The following EPHA6 variants were observed in gnomAD, a reference collection of about 807,000 sequenced individuals.
EPHA6 encodes ephrin type-A receptor 6.
EPHA6 carries 50 observed loss-of-function variants against 112.0 expected under a neutral mutation model. The observed-to-expected ratio is 0.45, with a 90% CI of 0.36 to 0.56. The LOEUF is 0.56. Ranked by LOEUF, EPHA6 falls within the 20% of genes least tolerant of loss-of-function variation. The pLI is 0.00. For missense variants in EPHA6, 1,280 were observed against 1,417.4 expected (o/e 0.90, Z 1.56); for synonymous variants, 529 against 490.7 (o/e 1.08, Z -1.03).
chr3:97,010,709 G>A (rs912505205), intron 3 of EPHA6, among the ~76,000 whole-genome samples: 4 of 151,990 alleles, frequency 2.6e-5, no homozygotes, highest in African/African-American at 9.7e-5. Context: ...TGCCCAGGCT[G>A]GAGTGCGGTA....
intron 5 of EPHA6, among the ~76,000 whole-genome samples, chr3:97,328,078 T>TATATATATATATATATAA (rs1309698190): frequency 3.6e-5 from 5 of 138,394 alleles, no homozygotes; most frequent in African/African-American, 1.2e-4. Flanking sequence ...TATATATATA[T>TATATATATATATATATAA]AACCTGTTTT....
chr3:96,860,959 C>G (rs917594524), intron 1 of EPHA6, among the ~76,000 whole-genome samples: 2 of 151,812 alleles, frequency 1.3e-5, no homozygotes, highest in Non-Finnish European at 2.9e-5. Context: ...GAAAGCACAA[C>G]TTTTGAGGTA....
At position 97,448,565 on chromosome 3, in the gene EPHA6, C is replaced by T. The variant is rs918877862; in HGVS notation, c.1732-3C>T. 2 of 1,612,380 alleles carry T rather than the reference C, an allele frequency of 1.2e-6. No homozygotes were observed. Among genetic ancestry groups the T allele is most frequent in the East Asian group, 2.2e-5 (1 of 44,836 alleles). The stretch of plus-strand genomic sequence containing the variant: ...TCCTTTCTCCTTTTTTTCTGTCCCC[C>T]AGGAACATGAGCAGCTGACCTACTC... On this transcript the variant is annotated splice_polypyrimidine_tract_variant and splice_region_variant and intron_variant, in intron 6 of 17. Transcript: ENST00000389672.
intron 2 of EPHA6, 68 bp from the exon 3 acceptor site, chr3:96,987,262 G>A (rs2107844202): frequency 1.5e-6 from 2 of 1,376,910 alleles, no homozygotes; most frequent in African/African-American, 2.9e-5. Context: ...AAAAAAAATT[G>A]TAAGTAATCA....
intron 5 of EPHA6, among the ~76,000 whole-genome samples, chr3:97,282,389 G>T (rs140976016): frequency 0.043 from 6,584 of 152,192 alleles, 245 homozygotes; most frequent in Non-Finnish European, 0.064. Flanking sequence ...CTGTTGGTGG[G>T]AATGTAAATT....
At position 97,576,169 on chromosome 3, in the gene EPHA6, T is replaced by G. The variant is rs561792036; in HGVS notation, c.2387-16443T>G. Among the ~76,000 whole-genome samples the G allele has an allele frequency of 8.9e-4, 135 of 152,250 alleles. 1 individual carries two copies. Among genetic ancestry groups the G allele is most frequent in the African/African-American group, 2.6e-3 (109 of 41,556 alleles). The stretch of plus-strand genomic sequence containing the variant: ...ATCTCAAAATTTTTCTGTGAAATAT[T>G]TTTTTCCAAGAAAAATTACCTCTTC... On this transcript the variant is annotated intron_variant, in intron 11 of 17. Coordinates refer to ENST00000389672, the MANE Select transcript of EPHA6 (RefSeq NM_001080448.3).
chr3:96,927,260 C>G (rs1230395098), intron 2 of EPHA6, among the ~76,000 whole-genome samples: 1 of 152,172 alleles, frequency 6.6e-6, no homozygotes, highest in Non-Finnish European at 1.5e-5. Context: ...CAGCTGAGCC[C>G]TGGGCCTGGC....
chr3:97,373,647 A>T (rs1302939549), intron 5 of EPHA6, among the ~76,000 whole-genome samples: 1 of 152,182 alleles, frequency 6.6e-6, no homozygotes, highest in African/African-American at 2.4e-5. Context: ...AGTAATAAGA[A>T]ATACTGCTTT....
chr3:97,343,310 A>G (rs1409263361), intron 5 of EPHA6, among the ~76,000 whole-genome samples: 1 of 152,188 alleles, frequency 6.6e-6, no homozygotes, highest in Non-Finnish European at 1.5e-5. Flanking sequence ...AGTGTTCTGT[A>G]GTAGGTACAA....
At chr3:97,544,572 G>A (rs542516578) in intron 11 of EPHA6, among the ~76,000 whole-genome samples, 90 of 152,252 alleles carry the variant, frequency 5.9e-4, no homozygotes, top group Non-Finnish European at 3.7e-4. Flanking sequence ...TTGTGTCTCT[G>A]CCAGGCTTTG....
chr3:97,320,555 C>T lies in EPHA6; in HGVS notation c.1606+76268C>T, dbSNP rs557045728. On this transcript the variant is annotated intron_variant, in intron 5 of 17. Coordinates refer to ENST00000389672, the MANE Select transcript of EPHA6 (RefSeq NM_001080448.3). ...AAACATGTTATCATTTCCCTTCCTC[C>T]TTCCACAGAGAAATAAAAGGTCTCC... 6.9e-4 allele frequency among the ~76,000 whole-genome samples: 105 copies of T among 151,898 alleles called. 2 individuals carry two copies. Among genetic ancestry groups the T allele is most frequent in the African/African-American group, 2.2e-3 (89 of 41,354 alleles).
intron 10 of EPHA6, among the ~76,000 whole-genome samples, chr3:97,515,159 A>G (rs2092428110): frequency 6.6e-6 from 1 of 152,218 alleles, no homozygotes; most frequent in South Asian, 2.1e-4. Context: ...ACAGAACCAT[A>G]CATTACTAAT....
intron 5 of EPHA6, among the ~76,000 whole-genome samples, chr3:97,340,182 A>G (rs1294772465): frequency 6.6e-6 from 1 of 152,196 alleles, no homozygotes; most frequent in Non-Finnish European, 1.5e-5. Flanking sequence ...GAGTTTTCCA[A>G]TGGTAAAAAA....
chr3:97,657,213 A>T (rs1474586848), intron 14 of EPHA6, among the ~76,000 whole-genome samples: 1 of 151,816 alleles, frequency 6.6e-6, no homozygotes, highest in Admixed American at 6.6e-5. Context: ...GTATTTTTCT[A>T]AAGGCTCTTT....
At chr3:97,333,841 T>C (rs1015519922) in intron 5 of EPHA6, among the ~76,000 whole-genome samples, 3 of 152,036 alleles carry the variant, frequency 2.0e-5, no homozygotes, top group Non-Finnish European at 2.9e-5. Context: ...CAGTACTACA[T>C]TGAATAATAG....
intron 5 of EPHA6, among the ~76,000 whole-genome samples, chr3:97,324,470 T>TTTC (rs1491558561): frequency 1.7e-4 from 24 of 139,754 alleles, no homozygotes; most frequent in South Asian, 4.5e-4. Context: ...TCTTTCTTTC[T>TTTC]TTTTCTTTCG....
At chr3:97,506,989 T>G (rs528226999) in intron 10 of EPHA6, among the ~76,000 whole-genome samples, 17 of 152,318 alleles carry the variant, frequency 1.1e-4, no homozygotes. Context: ...TGTAGAGGAA[T>G]GCTTGTGATT....
intron 14 of EPHA6, among the ~76,000 whole-genome samples, chr3:97,642,254 A>C (rs1422204903): frequency 1.0e-5 from 1 of 95,964 alleles, no homozygotes; most frequent in East Asian, 3.2e-4. Flanking sequence ...GAAAACTAAC[A>C]AACAGAAAGG....
intron 5 of EPHA6, among the ~76,000 whole-genome samples, chr3:97,343,578 T>C (rs533834740): frequency 2.0e-5 from 3 of 152,220 alleles, no homozygotes; most frequent in African/African-American, 7.2e-5. Context: ...GAGGTTAGTG[T>C]GGGTGTGACC....
Sources: allele counts gnomAD v4.1 joint callset (sites outside exome capture counted in the v4.1 genomes callset), GRCh38; gene constraint gnomAD v4.1.1; transcripts MANE v1.5; gene names NCBI Gene and HGNC (gene_info 2026-07-23, HGNC 2026-07-21).